MAN1C1: variants seen among roughly 807,000 people sequenced by gnomAD.
MAN1C1 encodes mannosidase alpha class 1C member 1.
A neutral mutation model predicts 71.5 loss-of-function variants in MAN1C1; 49 were observed. That is an observed-to-expected ratio of 0.69 (90% CI 0.54 to 0.87). The LOEUF (loss-of-function observed/expected upper bound fraction) is 0.87. Ranked by LOEUF, MAN1C1 falls within the 40% of genes least tolerant of loss-of-function variation. The pLI is 0.00. For missense variants in MAN1C1, 743 were observed against 835.0 expected (o/e 0.89, Z 1.36); for synonymous variants, 352 against 343.7 (o/e 1.02, Z -0.27).
intron 1 of MAN1C1, among the ~76,000 whole-genome samples, chr1:25,660,717 C>T (rs1466798023): frequency 6.7e-6 from 1 of 149,946 alleles, no homozygotes; most frequent in Non-Finnish European, 1.5e-5. Context: ...TTGAGACAGA[C>T]TCTTACTCTA....
chr1:25,664,142 C>T (rs1477422893), intron 1 of MAN1C1, among the ~76,000 whole-genome samples: 1 of 152,130 alleles, frequency 6.6e-6, no homozygotes, highest in Non-Finnish European at 1.5e-5. Flanking sequence ...CCCATCTGCC[C>T]TCCACACGCT....
At chr1:25,712,049 C>A (rs2124250712) in intron 2 of MAN1C1, among the ~76,000 whole-genome samples, 1 of 152,272 alleles carries the variant, frequency 6.6e-6, no homozygotes, top group East Asian at 1.9e-4. Context: ...TAGGAAAGTC[C>A]AGCAGGGCCA....
At chr1:25,630,464 T>C (rs61536052) in intron 1 of MAN1C1, among the ~76,000 whole-genome samples, 13,784 of 152,220 alleles carry the variant, frequency 0.091, 1,380 homozygotes, top group East Asian at 0.22. Flanking sequence ...TGTTTGGGAT[T>C]GCATTGAATC....
At position 25,725,789 on chromosome 1, in the gene MAN1C1, G is replaced by A. The variant is rs537796154; in HGVS notation, c.638-20879G>A. Among the ~76,000 whole-genome samples the A allele has an allele frequency of 7.2e-5, 11 of 152,338 alleles. No homozygotes were observed. Among genetic ancestry groups the A allele is most frequent in the African/African-American group, 2.6e-4 (11 of 41,576 alleles). The stretch of plus-strand genomic sequence containing the variant: ...GCGTGTGGCATTTGAGGGAGACTGC[G>A]CCATCTGAAAGCCGGGGGCTGGGTT... On this transcript the variant is annotated intron_variant, in intron 2 of 11. Coordinates refer to ENST00000374332, the MANE Select transcript of MAN1C1 (RefSeq NM_020379.4). The surrounding 1 kb of genome is among the most constrained non-coding windows in gnomAD (Gnocchi z 4.8).
At chr1:25,744,769 C>T (rs2047105837) in intron 2 of MAN1C1, among the ~76,000 whole-genome samples, 1 of 152,202 alleles carries the variant, frequency 6.6e-6, no homozygotes, top group Non-Finnish European at 1.5e-5. Context: ...TTAGGAAGCA[C>T]TCATTAAGGA....
chr1:25,748,154 G>A (rs888583459), intron 3 of MAN1C1, among the ~76,000 whole-genome samples: 4 of 152,208 alleles, frequency 2.6e-5, no homozygotes, highest in African/African-American at 7.2e-5. Context: ...TGCCTTAGGA[G>A]CTGGGGGACA....
At chr1:25,755,813 C>G (rs925946149) in intron 5 of MAN1C1, among the ~76,000 whole-genome samples, 1 of 152,234 alleles carries the variant, frequency 6.6e-6, no homozygotes, top group African/African-American at 2.4e-5. Flanking sequence ...GCAGCCCCTC[C>G]TGCCAGGAGA....
rs1253932679 is a variant in MAN1C1, at chr1:25,634,106, A to G, written c.540+15769A>G. On this transcript the variant is annotated intron_variant, in intron 1 of 11. Transcript: ENST00000374332. The surrounding 1 kb of genome is among the most constrained non-coding windows in gnomAD (Gnocchi z 4.6). ...TCATATGACCTTATTGAACCAATTTATTATGTATATATATTTTTTGGTAGC... is the reference window on the plus strand; with the variant it reads ...TCATATGACCTTATTGAACCAATTTGTTATGTATATATATTTTTTGGTAGC... Among the ~76,000 whole-genome samples the G allele has an allele frequency of 6.6e-6, 1 of 152,186 alleles. No homozygotes were observed. The highest frequency in any genetic ancestry group is 1.5e-5 in the Non-Finnish European group (1 of 68,032).
intron 1 of MAN1C1, among the ~76,000 whole-genome samples, chr1:25,637,394 TA>T (rs1292996734): frequency 1.3e-5 from 2 of 152,216 alleles, no homozygotes; most frequent in African/African-American, 4.8e-5. Context: ...TATTGATTTC[TA>T]ATTTAAGTCC....
chr1:25,742,000 A>C (rs1316244858), intron 2 of MAN1C1, among the ~76,000 whole-genome samples: 1 of 152,160 alleles, frequency 6.6e-6, no homozygotes, highest in Non-Finnish European at 1.5e-5. Context: ...CTCACAGTCT[A>C]GTTAGGGAGG....
intron 1 of MAN1C1, among the ~76,000 whole-genome samples, chr1:25,639,871 A>AT (rs1030561118): frequency 4.6e-5 from 7 of 152,082 alleles, no homozygotes; most frequent in Non-Finnish European, 1.0e-4. Context: ...TTATTTGTGT[A>AT]TTTTTTGCTC....
intron 1 of MAN1C1, among the ~76,000 whole-genome samples, chr1:25,675,422 C>G (rs1463245058): frequency 6.6e-6 from 1 of 152,124 alleles, no homozygotes; most frequent in Admixed American, 6.5e-5. Flanking sequence ...TATTTCATTC[C>G]TTTCTATGGC....
At chr1:25,629,216 T>C (rs2045344361) in intron 1 of MAN1C1, among the ~76,000 whole-genome samples, 1 of 152,190 alleles carries the variant, frequency 6.6e-6, no homozygotes. Flanking sequence ...CTACCAGCAG[T>C]GTATGAGTGT....
intron 1 of MAN1C1, among the ~76,000 whole-genome samples, chr1:25,639,046 T>C (rs1387272822): frequency 6.6e-6 from 1 of 152,162 alleles, no homozygotes; most frequent in Non-Finnish European, 1.5e-5. Flanking sequence ...TTTTCTTTGG[T>C]CTTCCTTTCT....
intron 6 of MAN1C1, among the ~76,000 whole-genome samples, chr1:25,762,338 G>C (rs998799265): frequency 6.6e-6 from 1 of 151,732 alleles, no homozygotes; most frequent in Non-Finnish European, 1.5e-5. Context: ...ACCCAGGCTT[G>C]TCTCAAACTC....
At chr1:25,700,469 C>A (rs917977153) in intron 2 of MAN1C1, among the ~76,000 whole-genome samples, 1 of 152,178 alleles carries the variant, frequency 6.6e-6, no homozygotes, top group Non-Finnish European at 1.5e-5. Flanking sequence ...GTCCTGAGGA[C>A]CTTCTCTCTA....
intron 2 of MAN1C1, among the ~76,000 whole-genome samples, chr1:25,741,042 G>A (rs2047056959): frequency 6.6e-6 from 1 of 152,078 alleles, no homozygotes; most frequent in African/African-American, 2.4e-5. Flanking sequence ...ATCAAGATGG[G>A]GAAGACTGGA....
At chr1:25,733,224 T>A (rs560216166) in intron 2 of MAN1C1, among the ~76,000 whole-genome samples, 1 of 152,240 alleles carries the variant, frequency 6.6e-6, no homozygotes, top group East Asian at 1.9e-4. Context: ...CATCCGTAAG[T>A]GCCTAGAGGA....
intron 2 of MAN1C1, among the ~76,000 whole-genome samples, chr1:25,693,467 A>G (rs2046332849): frequency 6.6e-6 from 1 of 152,170 alleles, no homozygotes; most frequent in Non-Finnish European, 1.5e-5. Context: ...CGTCTCTACT[A>G]AAAATACAAA....
Sources: allele counts gnomAD v4.1 joint callset (sites outside exome capture counted in the v4.1 genomes callset), GRCh38; gene constraint gnomAD v4.1.1; non-coding constraint Gnocchi (gnomAD v3.1); transcripts MANE v1.5; gene names NCBI Gene and HGNC (gene_info 2026-07-23, HGNC 2026-07-21).